Variants in HEATR5B observed in about 807,000 individuals in gnomAD.
The protein encoded by HEATR5B is HEAT repeat-containing protein 5B.
In HEATR5B, 156 loss-of-function variants were observed where a neutral mutation model predicts 224.1. That is an observed-to-expected ratio of 0.70 (90% CI 0.61 to 0.80). HEATR5B has a LOEUF of 0.80. Ranked by LOEUF, HEATR5B falls within the 30% of genes least tolerant of loss-of-function variation. HEATR5B has a pLI of 0.00. For missense variants in HEATR5B, 2,323 were observed against 2,535.5 expected, an observed-to-expected ratio of 0.92 and a Z score of 1.80; for synonymous variants, 1,027 against 893.0, an observed-to-expected ratio of 1.15 and a Z score of -2.68.
intron 35 of HEATR5B, among the ~76,000 whole-genome samples, chr2:36,982,268 C>T (rs905212692): frequency 6.6e-6 from 1 of 152,108 alleles, no homozygotes; most frequent in African/African-American, 2.4e-5. Flanking sequence ...TCCCCCAAAA[C>T]TCACAGTGAG....
chr2:37,065,261 T>C (rs954007584), intron 9 of HEATR5B, among the ~76,000 whole-genome samples: 7 of 152,168 alleles, frequency 4.6e-5, no homozygotes, highest in Non-Finnish European at 8.8e-5. Flanking sequence ...CTACCACAAT[T>C]GCTTTTGATT....
At chr2:37,018,278 C>T (rs930021285) in intron 26 of HEATR5B, among the ~76,000 whole-genome samples, 3 of 152,078 alleles carry the variant, frequency 2.0e-5, no homozygotes, top group Non-Finnish European at 4.4e-5. Flanking sequence ...TTCTAATAGC[C>T]TTTGCTTTTC....
rs1670989876 is a variant in HEATR5B, at chr2:37,057,544, C to T, written c.2060-64G>A. On this transcript the variant is annotated intron_variant, in intron 14 of 35. Transcript: ENST00000233099. ...TTTTTGTGAAAATTATAATCATTGC[C>T]CACAAAGAGCTGCAACATGTTCAAC... 3 of 1,067,802 alleles carry T rather than the reference C, an allele frequency of 2.8e-6. No homozygotes were observed. In the East Asian group the frequency reaches 8.0e-5, roughly 29 times the overall value. 66.1% of individuals were successfully genotyped at this position (1,067,802 alleles called of 1,614,324 possible). A position where few individuals can be genotyped will look rare whatever the true frequency, so the allele number is the denominator to read the frequency against.
At chr2:37,081,223 A>C (rs1672544372) in intron 2 of HEATR5B, among the ~76,000 whole-genome samples, 1 of 152,016 alleles carries the variant, frequency 6.6e-6, no homozygotes, top group Non-Finnish European at 1.5e-5. Flanking sequence ...GAATCCATGC[A>C]TTGTTTTTTT....
intron 32 of HEATR5B, 45 bp downstream of exon 32, chr2:37,002,261 T>C: frequency 6.3e-7 from 1 of 1,595,924 alleles, no homozygotes; most frequent in Non-Finnish European, 8.6e-7. Context: ...CTCATCTTTG[T>C]CTACTGTAAT....
At chr2:37,071,631 T>C in intron 6 of HEATR5B, among the ~76,000 whole-genome samples, 1 of 152,096 alleles carries the variant, frequency 6.6e-6, no homozygotes. Context: ...TCCTGTACAT[T>C]ATCATCACAA....
At chr2:37,022,046 C>T (rs1208674175) in intron 24 of HEATR5B, among the ~76,000 whole-genome samples, 2 of 151,728 alleles carry the variant, frequency 1.3e-5, no homozygotes, top group Non-Finnish European at 2.9e-5. Flanking sequence ...GGAAAAAACA[C>T]AGGTCACAGA....
intron 10 of HEATR5B, 102 bp from the exon 11 acceptor site, chr2:37,062,152 T>C: frequency 5.7e-6 from 4 of 697,108 alleles, no homozygotes; most frequent in Non-Finnish European, 1.0e-5. Context: ...GTTGGCTGGA[T>C]GCGGTGGCTC....
chr2:37,028,163 C>G lies in HEATR5B; in HGVS notation c.3613G>C (p.Ala1205Pro), dbSNP rs1314685051. The change falls in exon 24 of 36, where the codon GCA (alanine) becomes CCA (proline). Residue 1205 changes from alanine to proline, a missense_variant. By Grantham distance (27) the Ala-to-Pro change is conservative. This residue lies in a region of HEATR5B where 339 missense variants were observed against 378.4 expected (regional missense o/e 0.90). Coordinates refer to ENST00000233099, the MANE Select transcript of HEATR5B (RefSeq NM_019024.3). ...VLAASSDMST[A>P]TLLSSGKDEE... ...TCTTTTCCACTACTTAAGAGAGTTG[C>G]AGTACTCATATCTATAACAAGAATA... 6.2e-7 allele frequency: 1 copy of G among 1,602,496 alleles called. No homozygotes were observed. The highest frequency in any genetic ancestry group is 1.3e-5 in the African/African-American group (1 of 74,572).
At position 37,040,320 on chromosome 2, in the gene HEATR5B, T is replaced by C. The variant is rs1315362468; in HGVS notation, c.3046+9A>G. The C allele has an allele frequency of 1.9e-6, 3 of 1,604,550 alleles. No individual in the cohort carries two copies. The South Asian group carries it at 3.4e-5, about 18-fold the overall frequency. ...AACTAGGTTCCTTAATTTCAGATGATTTACTTACCTTGTAGTTCAGGGCCA... is the reference window on the plus strand; with the variant it reads ...AACTAGGTTCCTTAATTTCAGATGACTTACTTACCTTGTAGTTCAGGGCCA... On this transcript the variant is annotated intron_variant, in intron 20 of 35. Coordinates refer to ENST00000233099, the MANE Select transcript of HEATR5B (RefSeq NM_019024.3).
chr2:37,059,404 ATATGTGTGTGTGTGTGTG>A (rs1318805505), intron 12 of HEATR5B, among the ~76,000 whole-genome samples: 1 of 106,942 alleles, frequency 9.4e-6, no homozygotes, highest in African/African-American at 3.4e-5. Flanking sequence ...ATATATATGT[ATATGTGTGTGTGTGTGTG>A]TGTGTGTGTG....
In HEATR5B at chr2:37,008,668, T is replaced by C; in HGVS notation, c.4465A>G (p.Lys1489Glu). The change falls in exon 28 of 36, where the codon AAA (lysine) becomes GAA (glutamate). Residue 1489 changes from lysine (K) to glutamate (E), a missense_variant. Transcript: ENST00000233099. ...GGTAAAGTCAAGAGTGCATAATCTT[T>C]TAATGCTGCTAACCACAGGCGACTG... ...TLSRLWLAAL[K>E]DYALLTLPAE... The C allele has an allele frequency of 1.2e-6, 2 of 1,614,206 alleles. No homozygotes were observed. The highest frequency in any genetic ancestry group is 1.7e-6 in the Non-Finnish European group (2 of 1,180,040).
chr2:37,044,318 A>G (rs1670054311), intron 18 of HEATR5B, among the ~76,000 whole-genome samples: 1 of 152,208 alleles, frequency 6.6e-6, no homozygotes. Flanking sequence ...GCTGTCTTCT[A>G]TCATTATAGT....
At chr2:37,000,877 T>C in intron 32 of HEATR5B, 64 bp from the exon 33 acceptor site, 3 of 1,111,990 alleles carry the variant, frequency 2.7e-6, no homozygotes, top group Non-Finnish European at 4.0e-6. Flanking sequence ...GTTGTTTTCA[T>C]TGCTTGTATT....
At chr2:36,994,379 T>A (rs779407820) in intron 33 of HEATR5B, among the ~76,000 whole-genome samples, 1 of 152,254 alleles carries the variant, frequency 6.6e-6, no homozygotes, top group Non-Finnish European at 1.5e-5. Context: ...CGTTTGTACA[T>A]GTTCACATGC....
chr2:37,031,107 T>TTGTGACAA (rs1398380374), intron 22 of HEATR5B, among the ~76,000 whole-genome samples: 4 of 152,226 alleles, frequency 2.6e-5, no homozygotes, highest in African/African-American at 9.6e-5. Flanking sequence ...GCTGTCACAA[T>TTGTGACAA]CCATTGCTGG....
chr2:37,056,696 C>CAGAGG, intron 15 of HEATR5B, 81 bp from the exon 16 acceptor site: 1 of 1,191,000 alleles, frequency 8.4e-7, no homozygotes, highest in East Asian at 2.6e-5. Context: ...AGGATTACAG[C>CAGAGG]AGAGGAGAAA....
chr2:36,983,398 G>T (rs1665714480), intron 35 of HEATR5B, among the ~76,000 whole-genome samples: 1 of 151,856 alleles, frequency 6.6e-6, no homozygotes, highest in South Asian at 2.1e-4. Flanking sequence ...AATTAGCCGG[G>T]CATGGTGGCG....
In HEATR5B at chr2:37,063,654, T is replaced by C. The variant is rs1302421600; in HGVS notation, c.1584+1086A>G. 3.3e-5 allele frequency among the ~76,000 whole-genome samples: 5 copies of C among 152,246 alleles called. No homozygotes were observed. The South Asian group carries it at 6.2e-4, about 19-fold the overall frequency. ...CTGCTATGAATGGACATGGGCTTAATGTCCCAGAAAAAAAATCAAAATTTA... is the reference window on the plus strand; with the variant it reads ...CTGCTATGAATGGACATGGGCTTAACGTCCCAGAAAAAAAATCAAAATTTA... On this transcript the variant is annotated intron_variant, in intron 10 of 35. Coordinates refer to ENST00000233099, the MANE Select transcript of HEATR5B (RefSeq NM_019024.3).
Sources: allele counts gnomAD v4.1 joint callset (sites outside exome capture counted in the v4.1 genomes callset), GRCh38; gene constraint gnomAD v4.1.1; regional missense constraint gnomAD v4.1.1; transcripts MANE v1.5; gene names NCBI Gene and HGNC (gene_info 2026-07-23, HGNC 2026-07-21).